The following WDPCP variants were observed in gnomAD, a reference collection of about 807,000 sequenced individuals.
WDPCP encodes the protein WD repeat-containing and planar cell polarity effector protein fritz homolog.
In WDPCP, 71 loss-of-function variants were observed where a neutral mutation model predicts 93.1. The ratio of observed to expected loss-of-function variants is 0.76; its 90% CI spans 0.63 to 0.93. The LOEUF (loss-of-function observed/expected upper bound fraction) is 0.93, where lower values mean the gene tolerates loss of function less well. Ranked by LOEUF, WDPCP falls within the 40% of genes least tolerant of loss-of-function variation. The probability of loss-of-function intolerance (pLI) is 0.00; values close to 1 mark genes in which losing one functional copy is unlikely to be tolerated. For synonymous variants in WDPCP, 315 were observed against 315.0 expected, an observed-to-expected ratio of 1.00 and a Z score of 0.00; for missense variants, 844 against 887.4, an observed-to-expected ratio of 0.95 and a Z score of 0.62.
intron 13 of WDPCP, among the ~76,000 whole-genome samples, chr2:63,297,701 T>A (rs1219097864): frequency 6.6e-6 from 1 of 152,158 alleles, no homozygotes; most frequent in Non-Finnish European, 1.5e-5. Context: ...TATTATAATA[T>A]ACACTATAGA....
chr2:63,646,007 A>G (rs1710043841), intron 3 of WDPCP, among the ~76,000 whole-genome samples: 1 of 152,060 alleles, frequency 6.6e-6, no homozygotes, highest in Non-Finnish European at 1.5e-5. Flanking sequence ...ATTCATTGTT[A>G]TTACTGATAA....
At chr2:63,291,027 T>A (rs1432249589) in intron 13 of WDPCP, among the ~76,000 whole-genome samples, 1 of 152,204 alleles carries the variant, frequency 6.6e-6, no homozygotes, top group Non-Finnish European at 1.5e-5. Context: ...TTTTGTTCCA[T>A]AAGTCACTGA....
At chr2:63,776,475 T>A (rs1419394454) in intron 2 of WDPCP, among the ~76,000 whole-genome samples, 1 of 151,596 alleles carries the variant, frequency 6.6e-6, no homozygotes, top group Non-Finnish European at 1.5e-5. Context: ...GGCAACGTGG[T>A]AAAACCCCAT....
chr2:63,708,367 G>C (rs982198373), intron 2 of WDPCP, among the ~76,000 whole-genome samples: 2 of 152,190 alleles, frequency 1.3e-5, no homozygotes, highest in African/African-American at 4.8e-5. Context: ...CTTGCAGTTT[G>C]ATCTCAGACT....
intron 12 of WDPCP, among the ~76,000 whole-genome samples, chr2:63,338,567 AAAATATATATATATATATATATATAT>A (rs1413010969): frequency 1.8e-4 from 2 of 10,994 alleles, no homozygotes; most frequent in South Asian, 9.1e-3. Flanking sequence ...AAAAAAAAAA[AAAATATATATATATATATATATATAT>A]ATATATATAT....
chr2:63,533,579 T>C (rs533327050), intron 1 of WDPCP, among the ~76,000 whole-genome samples: 2 of 152,248 alleles, frequency 1.3e-5, no homozygotes, highest in African/African-American at 2.4e-5. Flanking sequence ...CTCAACTACA[T>C]GGAGACTGAA....
At chr2:63,314,157 G>A (rs1444100054) in intron 12 of WDPCP, among the ~76,000 whole-genome samples, 5 of 140,978 alleles carry the variant, frequency 3.5e-5, no homozygotes, top group African/African-American at 5.5e-5. Flanking sequence ...GATTACAGGC[G>A]TGAGCCACTG....
At chr2:63,683,374 C>T (rs1419707129) in intron 2 of WDPCP, among the ~76,000 whole-genome samples, 2 of 151,890 alleles carry the variant, frequency 1.3e-5, no homozygotes, top group African/African-American at 4.8e-5. Flanking sequence ...TAAAGATGCA[C>T]ATAGACTGAA....
chr2:63,718,867 A>G (rs988919051), intron 2 of WDPCP, among the ~76,000 whole-genome samples: 4 of 152,250 alleles, frequency 2.6e-5, no homozygotes, highest in Non-Finnish European at 4.4e-5. Context: ...CTGGCTTATC[A>G]GTTACTGTTA....
chr2:63,567,884 AT>A (rs1017897879), intron 1 of WDPCP, among the ~76,000 whole-genome samples: 8 of 152,204 alleles, frequency 5.3e-5, no homozygotes, highest in African/African-American at 9.7e-5. Flanking sequence ...TGAATAAATA[AT>A]TTTTTATATA....
Position 63,602,934 on chromosome 2 carries a change from C to CTTTTTTTTTTTTTTTTTTTTTTTTTTTT in WDPCP, n.488+47697_488+47724dup. Among the ~76,000 whole-genome samples the CTTTTTTTTTTTTTTTTTTTTTTTTTTTT allele has an allele frequency of 2.3e-5, 3 of 131,538 alleles. 1 individual carries two copies. The highest frequency in any genetic ancestry group is 5.0e-5 in the Non-Finnish European group (3 of 59,612). The allele number at this position is 131,538 out of a possible 152,430, so 86.3% of individuals were successfully genotyped here. On this transcript the variant is annotated intron_variant and non_coding_transcript_variant, in intron 3 of 4. Coordinates refer to the WDPCP transcript ENST00000467687. ...ACATAATACAGTTTATTTAACCGTT[C>CTTTTTTTTTTTTTTTTTTTTTTTTTTTT]TTTTTTTTTTTTTTTTTTTTTTTTT...
At chr2:63,142,846 G>GTA (rs1481169089) in intron 17 of WDPCP, among the ~76,000 whole-genome samples, 1 of 124,038 alleles carries the variant, frequency 8.1e-6, no homozygotes, top group African/African-American at 3.1e-5. Context: ...GTGTGTGTGT[G>GTA]TGTACACACA....
chr2:63,560,909 C>T (rs536619807), intron 1 of WDPCP, among the ~76,000 whole-genome samples: 3 of 152,236 alleles, frequency 2.0e-5, no homozygotes, highest in African/African-American at 7.2e-5. Context: ...TGCAGCAAAC[C>T]AACATGGCAC....
chr2:63,833,528 C>G, the WDPCP span, among the ~76,000 whole-genome samples: 143 of 152,252 alleles, frequency 9.4e-4, 2 homozygotes, highest in African/African-American at 3.2e-3. Context: ...ACCAACGAAC[C>G]CTTACATGAT....
At chr2:63,271,450 A>T (rs1213479290) in intron 13 of WDPCP, among the ~76,000 whole-genome samples, 1 of 152,138 alleles carries the variant, frequency 6.6e-6, no homozygotes. Context: ...TTATCTGGCC[A>T]CCACTGCTGG....
chr2:63,150,125 G>C (rs1671789386), intron 17 of WDPCP, among the ~76,000 whole-genome samples: 1 of 152,138 alleles, frequency 6.6e-6, no homozygotes, highest in Non-Finnish European at 1.5e-5. Flanking sequence ...TAATTGAGGA[G>C]GGACACCCAG....
At chr2:63,697,000 T>C (rs921454153) in intron 2 of WDPCP, among the ~76,000 whole-genome samples, 1 of 152,222 alleles carries the variant, frequency 6.6e-6, no homozygotes, top group Non-Finnish European at 1.5e-5. Context: ...TTATTTATAA[T>C]ACCAAAAAAG....
chr2:63,193,449 T>C (rs540049421), intron 14 of WDPCP, among the ~76,000 whole-genome samples: 2 of 152,366 alleles, frequency 1.3e-5, no homozygotes, highest in East Asian at 3.9e-4. Flanking sequence ...TAAAAGTAAC[T>C]GAACATTTGC....
At chr2:63,416,565 C>T (rs1197213134) in intron 9 of WDPCP, among the ~76,000 whole-genome samples, 1 of 76,658 alleles carries the variant, frequency 1.3e-5, no homozygotes, top group East Asian at 3.4e-4. Context: ...GCCCTGTTGC[C>T]CAGGCTGGAG....
Sources: gnomAD v4.1 joint callset for allele counts (sites outside exome capture counted in the v4.1 genomes callset) on GRCh38, gnomAD v4.1.1 for gene constraint, MANE v1.5 for transcripts, NCBI Gene and HGNC (gene_info 2026-07-23, HGNC 2026-07-21) for gene names.